Variants in SHLD1 observed in about 807,000 individuals in gnomAD.
SHLD1 encodes the protein shieldin complex subunit 1.
SHLD1 carries 3 observed loss-of-function variants against 5.5 expected under a neutral mutation model. That is an observed-to-expected ratio of 0.54 (90% CI 0.25 to 1.40). The LOEUF (loss-of-function observed/expected upper bound fraction) is 1.40, where lower values mean the gene tolerates loss of function less well. Among genes scored for constraint, SHLD1 ranks in the 40% most tolerant of loss-of-function variants. SHLD1 has a pLI of 0.15. For missense variants in SHLD1, 210 were observed against 244.4 expected (o/e 0.86, Z 0.94); for synonymous variants, 92 against 94.3 (o/e 0.98, Z 0.14).
intron 2 of SHLD1, among the ~76,000 whole-genome samples, chr20:5,831,453 C>A (rs1284723541): frequency 6.6e-6 from 1 of 152,082 alleles, no homozygotes; most frequent in African/African-American, 2.4e-5. Flanking sequence ...TTGAATATTC[C>A]TTGACCACAA....
intron 2 of SHLD1, among the ~76,000 whole-genome samples, chr20:5,780,839 G>T (rs1233954490): frequency 6.6e-6 from 1 of 152,162 alleles, no homozygotes. Flanking sequence ...AGATGCCAAT[G>T]ATCTTCCCTA....
At position 5,863,287 on chromosome 20, in the gene SHLD1, G is replaced by A. The variant is rs372237912; in HGVS notation, c.442G>A (p.Ala148Thr). ...GTATGCCCTCCGCAGTTTTCAAATGGCCCGGGTGATCTTCAACCGGGACGG... is the reference window on the plus strand; with the variant it reads ...GTATGCCCTCCGCAGTTTTCAAATGACCCGGGTGATCTTCAACCGGGACGG... Reference protein sequence around the residue: ...QKYALRSFQMARVIFNRDGCS... With the variant: ...QKYALRSFQMTRVIFNRDGCS... The change falls in exon 3 of 3, where the codon GCC (alanine) becomes ACC (threonine). Residue 148 changes from alanine to threonine, a missense_variant. By Grantham distance (58) the Ala-to-Thr change is moderately conservative. Coordinates refer to ENST00000303142, the MANE Select transcript of SHLD1 (RefSeq NM_152504.4). 11 of 1,614,074 alleles carry A rather than the reference G, an allele frequency of 6.8e-6. No individual in the cohort carries two copies. The highest frequency in any genetic ancestry group is 2.7e-5 in the African/African-American group (2 of 74,908).
intron 2 of SHLD1, among the ~76,000 whole-genome samples, chr20:5,773,833 G>A (rs535938953): frequency 2.0e-4 from 30 of 152,222 alleles, no homozygotes; most frequent in African/African-American, 7.0e-4. Flanking sequence ...TTTAGCTTAA[G>A]GTAAACCTGT....
intron 1 of SHLD1, among the ~76,000 whole-genome samples, chr20:5,756,082 G>A (rs1402040754): frequency 1.3e-5 from 2 of 151,966 alleles, no homozygotes; most frequent in Non-Finnish European, 2.9e-5. Context: ...TGTTAAGGCT[G>A]GTCAGTTGTG....
At chr20:5,799,936 T>A (rs2087267692) in intron 2 of SHLD1, among the ~76,000 whole-genome samples, 1 of 152,100 alleles carries the variant, frequency 6.6e-6, no homozygotes, top group Admixed American at 6.5e-5. Flanking sequence ...AGCTAATCTC[T>A]TTTGAATGGA....
At chr20:5,760,698 TA>T (rs1043954802) in intron 1 of SHLD1, among the ~76,000 whole-genome samples, 4 of 141,846 alleles carry the variant, frequency 2.8e-5, no homozygotes, top group East Asian at 4.1e-4. Flanking sequence ...GTCTAAAAAA[TA>T]AAAAAAAAAC....
intron 2 of SHLD1, among the ~76,000 whole-genome samples, chr20:5,839,522 T>TAGACAGATAGAC (rs1355194589): frequency 2.6e-5 from 4 of 151,670 alleles, no homozygotes; most frequent in African/African-American, 9.7e-5. Context: ...GATAGATAGA[T>TAGACAGATAGAC]AGATGATAGA....
chr20:5,802,287 C>T (rs184902509), intron 2 of SHLD1, among the ~76,000 whole-genome samples: 11 of 152,240 alleles, frequency 7.2e-5, no homozygotes, highest in Admixed American at 5.2e-4. Context: ...CCTTGGTCCT[C>T]CAGGCCCTGC....
chr20:5,800,489 G>C (rs568521), intron 2 of SHLD1, among the ~76,000 whole-genome samples: 135,634 of 152,204 alleles, frequency 0.89, 60,568 homozygotes, highest in East Asian at 1. Context: ...AGGTAAGGAG[G>C]TCGAGACCAG....
intron 2 of SHLD1, among the ~76,000 whole-genome samples, chr20:5,776,896 CAT>C (rs1484967290): frequency 3.3e-5 from 5 of 152,102 alleles, no homozygotes; most frequent in African/African-American, 1.2e-4. Context: ...TTTTAGGGCA[CAT>C]TAATAGTGAT....
chr20:5,770,965 C>T (rs73594815), intron 1 of SHLD1, among the ~76,000 whole-genome samples: 2,202 of 152,236 alleles, frequency 0.014, 39 homozygotes, highest in African/African-American at 0.051. Context: ...TTTTTCACTT[C>T]TGGGAACCAT....
At chr20:5,822,777 C>T (rs2087620995) in intron 2 of SHLD1, among the ~76,000 whole-genome samples, 2 of 151,906 alleles carry the variant, frequency 1.3e-5, no homozygotes, top group East Asian at 3.9e-4. Context: ...TTGACTGGCT[C>T]ATTCTTGGCT....
At chr20:5,811,532 T>C (rs1052687750) in intron 2 of SHLD1, among the ~76,000 whole-genome samples, 5 of 151,818 alleles carry the variant, frequency 3.3e-5, no homozygotes, top group Admixed American at 1.3e-4. Flanking sequence ...GGCAGTAGAA[T>C]GGTAGACAAA....
intron 2 of SHLD1, among the ~76,000 whole-genome samples, chr20:5,837,983 C>T (rs867674779): frequency 6.6e-5 from 10 of 151,626 alleles, no homozygotes; most frequent in Admixed American, 2.0e-4. Flanking sequence ...CAGGCAAAGA[C>T]GGAAAAAAAA....
At chr20:5,803,861 ACT>A (rs1296943955) in intron 2 of SHLD1, among the ~76,000 whole-genome samples, 4 of 150,252 alleles carry the variant, frequency 2.7e-5, no homozygotes, top group East Asian at 2.0e-4. Flanking sequence ...ACAGAGTGAG[ACT>A]CTGTCTCAAA....
chr20:5,799,690 A>G (rs2087264295), intron 2 of SHLD1, among the ~76,000 whole-genome samples: 1 of 152,154 alleles, frequency 6.6e-6, no homozygotes, highest in Admixed American at 6.6e-5. Flanking sequence ...TGGCATGTGC[A>G]TATAGGGAAT....
At chr20:5,760,148 G>A (rs1246444813) in intron 1 of SHLD1, among the ~76,000 whole-genome samples, 1 of 152,130 alleles carries the variant, frequency 6.6e-6, no homozygotes, top group East Asian at 1.9e-4. Context: ...AAGAGTTTAA[G>A]TGAAAGGTCC....
At chr20:5,847,908 C>G (rs1001606668) in intron 2 of SHLD1, among the ~76,000 whole-genome samples, 4 of 152,122 alleles carry the variant, frequency 2.6e-5, no homozygotes, top group African/African-American at 9.7e-5. Context: ...AGAAAGTCTC[C>G]TGATACATGT....
rs115926491 is a variant in SHLD1 at position 5,787,218 on chromosome 20, C to T, written c.178+14175C>T. Among the ~76,000 whole-genome samples, 1,270 of 152,310 alleles carry T rather than the reference C, an allele frequency of 8.3e-3. 20 individuals carry two copies. The highest frequency in any genetic ancestry group is 0.029 in the African/African-American group (1,212 of 41,574). On this transcript the variant is annotated intron_variant, in intron 2 of 2. Transcript: ENST00000303142. ...ATTGCCTTCTCAGTTAAATTTCTCA[C>T]ACCAGGTAGGATCCAACTTCTTATG...
Sources: gnomAD v4.1 joint callset for allele counts (sites outside exome capture counted in the v4.1 genomes callset) on GRCh38, gnomAD v4.1.1 for gene constraint, MANE v1.5 for transcripts, NCBI Gene and HGNC (gene_info 2026-07-23, HGNC 2026-07-21) for gene names.